Variants in REPS2 observed in about 807,000 individuals in gnomAD.
The protein encoded by REPS2 is ralBP1-associated Eps domain-containing protein 2.
In REPS2, 23 loss-of-function variants were observed where a neutral mutation model predicts 53.6. The ratio of observed to expected loss-of-function variants is 0.43; its 90% CI spans 0.31 to 0.61. The LOEUF (loss-of-function observed/expected upper bound fraction) is 0.61, where lower values mean the gene tolerates loss of function less well. Among genes scored for constraint, REPS2 ranks in the 20% least tolerant of loss-of-function variants. The pLI is 0.11. For missense variants in REPS2, 446 were observed against 534.9 expected (o/e 0.83, Z 1.64); for synonymous variants, 238 against 218.6 (o/e 1.09, Z -0.78).
chrX:16,977,555 T>G (rs114327862), intron 1 of REPS2, among the ~76,000 whole-genome samples: 3,679 of 108,678 alleles, frequency 0.034, 176 homozygotes, highest in African/African-American at 0.12. Flanking sequence ...CTCTAAAAAA[T>G]TTTTAAAAAA....
At chrX:17,043,331 G>C (rs2061859286) in intron 5 of REPS2, among the ~76,000 whole-genome samples, 1 of 111,178 alleles carries the variant, frequency 9.0e-6, no homozygotes, top group African/African-American at 3.3e-5. Context: ...TCTTGGAAGA[G>C]GGGTTGGGTT....
intron 5 of REPS2, among the ~76,000 whole-genome samples, chrX:17,030,667 T>C (rs965263915): frequency 1.8e-5 from 2 of 112,473 alleles, no homozygotes; most frequent in Non-Finnish European, 3.7e-5. Context: ...AGCCATAGGC[T>C]ATTTTTTATA....
At chrX:16,981,572 A>G (rs1443966938) in intron 1 of REPS2, among the ~76,000 whole-genome samples, 3 of 112,818 alleles carry the variant, frequency 2.7e-5, no homozygotes, top group Non-Finnish European at 5.6e-5. Context: ...ACAGAAAAAT[A>G]CATATTTTTG....
chrX:17,062,496 G>A lies in REPS2; in HGVS notation c.1173G>A (p.Pro391=), dbSNP rs750423494. Residue 391 remains proline (P), a synonymous_variant, in exon 9 of 18, where the codon CCG becomes CCA. Transcript: ENST00000357277. ...TTGATTCTTATTCTGAGTCACTGCCGGCAAATCAACAACCTCGTGACTTGA... is the reference window on the plus strand; with the variant it reads ...TTGATTCTTATTCTGAGTCACTGCCAGCAAATCAACAACCTCGTGACTTGA... ...QLFDSYSESL[P]ANQQPRDLNR... is the part of the protein sequence containing the mutation. 5 of 1,203,283 alleles carry A rather than the reference G, an allele frequency of 4.2e-6. No individual in the cohort carries two copies. The highest frequency in any genetic ancestry group is 2.3e-4 in the Middle Eastern group (1 of 4,354).
At chrX:16,986,024 AT>A (rs1194421655) in intron 1 of REPS2, among the ~76,000 whole-genome samples, 2 of 111,723 alleles carry the variant, frequency 1.8e-5, no homozygotes, top group African/African-American at 6.5e-5. Context: ...TTTTTGGGAA[AT>A]TTTTTTGAAA....
At chrX:17,099,887 G>T in intron 13 of REPS2, 1 of 832,948 alleles carries the variant, frequency 1.2e-6, no homozygotes, top group Non-Finnish European at 1.8e-6. Context: ...CAGGGACGAG[G>T]TCAGCCTCAT....
intron 12 of REPS2, chrX:17,074,470 A>G: frequency 4.8e-6 from 1 of 207,591 alleles, no homozygotes. Flanking sequence ...TGGAAAGAGG[A>G]AAATATGGGT....
At chrX:17,026,136 T>C (rs1182120075) in intron 4 of REPS2, among the ~76,000 whole-genome samples, 1 of 111,917 alleles carries the variant, frequency 8.9e-6, no homozygotes, top group Non-Finnish European at 1.9e-5. Context: ...GCAGAAGGTG[T>C]GTGGGTTTCT....
rs1220210686 is a variant in REPS2, at chrX:17,113,871, AGAAAG to A, written c.1578+10097_1578+10101del. 3.3e-4 allele frequency among the ~76,000 whole-genome samples: 37 copies of A among 111,890 alleles called. 1 individual carries two copies. The highest frequency in any genetic ancestry group is 1.0e-3 in the African/African-American group (31 of 30,840). ...AATTAATCCTAGTAACTAATTCAAA[AGAAAG>A]GAAAAGTTCTATGATGACATTTATT... On this transcript the variant is annotated intron_variant, in intron 14 of 17. Transcript: ENST00000357277.
chrX:16,999,983 C>A (rs2147783353), intron 1 of REPS2, among the ~76,000 whole-genome samples: 1 of 91,616 alleles, frequency 1.1e-5, no homozygotes, highest in African/African-American at 4.3e-5. Flanking sequence ...GGAGGCGGAG[C>A]TTGCAGTGAG....
intron 14 of REPS2, among the ~76,000 whole-genome samples, chrX:17,115,740 G>T (rs960674591): frequency 8.9e-6 from 1 of 112,327 alleles, no homozygotes; most frequent in African/African-American, 3.2e-5. Context: ...CTCTTAACTA[G>T]CATGCTGCCT....
chrX:17,137,579 C>A (rs2063388511), intron 16 of REPS2: 1 of 111,935 alleles, frequency 8.9e-6, no homozygotes, highest in African/African-American at 3.3e-5. Flanking sequence ...TTCTCTCATT[C>A]TGTGGGCTGT....
chrX:17,138,421 T>C (rs910836603), intron 16 of REPS2: 2 of 115,224 alleles, frequency 1.7e-5, no homozygotes, highest in Non-Finnish European at 3.6e-5. Context: ...GCTAAGTTAA[T>C]GTAGAATTTT....
rs780876641 is a variant in REPS2, at chrX:17,103,773, A to G, written c.1572A>G (p.Pro524=). The G allele has an allele frequency of 4.7e-5, 57 of 1,206,128 alleles. No individual in the cohort carries two copies. The highest frequency in any genetic ancestry group is 5.9e-5 in the Non-Finnish European group (53 of 892,173). Residue 524 remains proline, a synonymous_variant, in exon 14 of 18, where the codon CCA becomes CCG. Coordinates refer to ENST00000357277, the MANE Select transcript of REPS2 (RefSeq NM_004726.3). ...CTGCGCTCCCTCCAAGACCTTGTCC[A>G]TCACAGGTAGGAGACATATTTGATT... ...PPPALPPRPC[P]SQSEQVSEAE...
At chrX:17,065,281 C>A (rs2062210220) in intron 9 of REPS2, among the ~76,000 whole-genome samples, 1 of 112,435 alleles carries the variant, frequency 8.9e-6, no homozygotes, top group African/African-American at 3.2e-5. Context: ...TCCTTGTTAA[C>A]ACTTATTGTC....
At chrX:17,045,096 A>AT (rs1236201323) in intron 5 of REPS2, among the ~76,000 whole-genome samples, 1 of 105,757 alleles carries the variant, frequency 9.5e-6, no homozygotes, top group East Asian at 2.9e-4. Flanking sequence ...CACCTGGCTA[A>AT]TTTTTTGTAT....
chrX:17,043,184 G>A (rs2061856850), intron 5 of REPS2, among the ~76,000 whole-genome samples: 1 of 111,397 alleles, frequency 9.0e-6, no homozygotes, highest in South Asian at 3.7e-4. Flanking sequence ...AAAGAGATGG[G>A]GGGGTAGGTT....
At chrX:17,018,602 C>CT (rs11295347) in intron 2 of REPS2, among the ~76,000 whole-genome samples, 22 of 90,468 alleles carry the variant, frequency 2.4e-4, no homozygotes, top group South Asian at 1.7e-3. Context: ...TTCTTTCTTT[C>CT]TTTTTTTTTT....
At chrX:16,978,036 C>G (rs779894393) in intron 1 of REPS2, among the ~76,000 whole-genome samples, 1 of 111,854 alleles carries the variant, frequency 8.9e-6, no homozygotes, top group South Asian at 3.7e-4. Flanking sequence ...CTTCCCACAT[C>G]ATGGTGGTTC....
Sources: gnomAD v4.1 joint callset for allele counts (sites outside exome capture counted in the v4.1 genomes callset) on GRCh38, gnomAD v4.1.1 for gene constraint, MANE v1.5 for transcripts, NCBI Gene and HGNC (gene_info 2026-07-23, HGNC 2026-07-21) for gene names.